Variants in TENM2 observed in about 807,000 individuals in gnomAD.
TENM2 encodes teneurin transmembrane protein 2, also known as teneurin-2.
A neutral mutation model predicts 245.2 loss-of-function variants in TENM2; 52 were observed. That is an observed-to-expected ratio of 0.21 (90% CI 0.17 to 0.27). The LOEUF (loss-of-function observed/expected upper bound fraction) is 0.27. Among genes scored for constraint, TENM2 ranks in the 10% least tolerant of loss-of-function variants. The pLI is 1.00. For missense variants in TENM2, 3,046 were observed against 3,666.8 expected (o/e 0.83, Z 4.37); for synonymous variants, 1,363 against 1,438.9 (o/e 0.95, Z 1.19).
intron 16 of TENM2, among the ~76,000 whole-genome samples, 155 bp downstream of exon 18, chr5:168,199,269 T>G (rs1761730669): frequency 6.6e-6 from 1 of 152,234 alleles, no homozygotes; most frequent in African/African-American, 2.4e-5. Flanking sequence ...GATGAAAGTT[T>G]GAATCCCTCT....
intron 4 of TENM2, among the ~76,000 whole-genome samples, chr5:167,982,019 A>G (rs1219957431): frequency 2.0e-5 from 3 of 151,722 alleles, no homozygotes; most frequent in Admixed American, 2.0e-4. Context: ...AAGAAAATCC[A>G]GATCCCATGC....
At chr5:168,081,874 C>T (rs775781206) in intron 7 of TENM2, among the ~76,000 whole-genome samples, 23 of 152,108 alleles carry the variant, frequency 1.5e-4, no homozygotes, top group Non-Finnish European at 2.9e-4. Flanking sequence ...TTTTTTCTTT[C>T]ATTTCAACTT....
At chr5:168,086,336 A>G (rs1792455722) in intron 7 of TENM2, among the ~76,000 whole-genome samples, 1 of 152,138 alleles carries the variant, frequency 6.6e-6, no homozygotes, top group Admixed American at 6.5e-5. Flanking sequence ...GGATCAGTCA[A>G]ATATTTGCTA....
chr5:167,638,388 G>A (rs1779352662), intron 2 of TENM2, among the ~76,000 whole-genome samples: 1 of 152,110 alleles, frequency 6.6e-6, no homozygotes, highest in African/African-American at 2.4e-5. Flanking sequence ...CAGTTAAATA[G>A]ACCAAAAATT....
At position 168,082,251 on chromosome 5, in the gene TENM2, G is replaced by A. The variant is rs62383400; in HGVS notation, c.1516-8323G>A. On this transcript the variant is annotated intron_variant, in intron 7 of 28. Coordinates refer to ENST00000518659, the Ensembl canonical transcript of TENM2. ...CTACTGAAGCTTGTGCATGCGTCAC[G>A]TAGTTCTCGTGCCATGGTTTCAGCT... Among the ~76,000 whole-genome samples, 1,314 of 152,234 alleles carry A rather than the reference G, an allele frequency of 8.6e-3. 21 individuals carry two copies. Among genetic ancestry groups the A allele is most frequent in the Middle Eastern group, 0.014 (4 of 294 alleles).
At chr5:167,950,231 C>T (rs1412908129) in intron 3 of TENM2, among the ~76,000 whole-genome samples, 1 of 152,172 alleles carries the variant, frequency 6.6e-6, no homozygotes, top group East Asian at 1.9e-4. Context: ...TGCTTCTCTT[C>T]CCCCTGGGGA....
At chr5:167,710,053 T>C (rs561747212) in intron 2 of TENM2, among the ~76,000 whole-genome samples, 1 of 152,272 alleles carries the variant, frequency 6.6e-6, no homozygotes, top group Non-Finnish European at 1.5e-5. Context: ...GTGATGGTAG[T>C]AGAGAAATTA....
intron 1 of TENM2, among the ~76,000 whole-genome samples, chr5:167,286,955 A>T (rs956943028): frequency 1.3e-5 from 2 of 152,246 alleles, no homozygotes; most frequent in Admixed American, 6.5e-5. Context: ...TAGCTTTGCA[A>T]TTAACAATTC....
chr5:168,180,977 T>A (rs1448178873), intron 13 of TENM2, among the ~76,000 whole-genome samples: 1 of 151,860 alleles, frequency 6.6e-6, no homozygotes, highest in Admixed American at 6.6e-5. Flanking sequence ...GTTGATGGCA[T>A]CTTAACACCA....
intron 3 of TENM2, among the ~76,000 whole-genome samples, chr5:167,912,080 T>C (rs189559501): frequency 1.3e-5 from 2 of 152,314 alleles, no homozygotes; most frequent in East Asian, 3.9e-4. Context: ...AATCACCATG[T>C]TGTACAATAG....
rs774689878 is a variant in TENM2, at chr5:167,876,285, T to C, written c.712+90T>C. 6.8e-4 allele frequency: 761 copies of C among 1,113,068 alleles called. 2 individuals are homozygous for C. The highest frequency in any genetic ancestry group is 8.9e-4 in the Non-Finnish European group (676 of 762,274). The allele number at this position is 1,113,068 out of a possible 1,614,324, so 68.9% of individuals were successfully genotyped here. A position where few individuals can be genotyped will look rare whatever the true frequency, so the allele number is the denominator to read the frequency against. On this transcript the variant is annotated intron_variant, in intron 3 of 28. Coordinates refer to ENST00000518659, the Ensembl canonical transcript of TENM2. ...AAAATGACAATGCTGAAACAAGGGC[T>C]GGGGGAAGGTGGTGTGGGGAGCATC... is the stretch of plus-strand genomic sequence containing the variant.
In TENM2 at chr5:167,454,646, T is replaced by G. The variant is rs565716095; in HGVS notation, c.502+79173T>G. Among the ~76,000 whole-genome samples the G allele has an allele frequency of 8.4e-4, 128 of 152,264 alleles. 1 individual carries two copies. The highest frequency in any genetic ancestry group is 7.7e-3 in the Admixed American group (118 of 15,284). On this transcript the variant is annotated intron_variant, in intron 2 of 28. Coordinates refer to ENST00000518659, the Ensembl canonical transcript of TENM2. ...TTCTCTCTCTCCTCGCCCTGCCCCA[T>G]CTCTTTCCCATCCACTCAACCGTTG... is the stretch of plus-strand genomic sequence containing the variant.
intron 1 of TENM2, among the ~76,000 whole-genome samples, chr5:167,358,304 T>C (rs1439912093): frequency 6.6e-6 from 1 of 152,214 alleles, no homozygotes; most frequent in Non-Finnish European, 1.5e-5. Context: ...CAATGATTAC[T>C]ATGTTGCTAC....
At chr5:167,455,469 T>TTC (rs10664050) in intron 2 of TENM2, among the ~76,000 whole-genome samples, 1 of 151,456 alleles carries the variant, frequency 6.6e-6, no homozygotes, top group Admixed American at 6.6e-5. Flanking sequence ...TTTTTTTTTT[T>TTC]CAAATGTATC....
At chr5:167,340,120 C>G (rs983205152) in intron 1 of TENM2, among the ~76,000 whole-genome samples, 1 of 152,126 alleles carries the variant, frequency 6.6e-6, no homozygotes, top group Non-Finnish European at 1.5e-5. Context: ...ACAGATCAGC[C>G]AAATCCTTCG....
chr5:167,439,369 C>T (rs938089999), intron 2 of TENM2, among the ~76,000 whole-genome samples: 3 of 152,122 alleles, frequency 2.0e-5, no homozygotes, highest in East Asian at 1.9e-4. Context: ...CTTCCTAATA[C>T]GTGATTTGAT....
intron 9 of TENM2, among the ~76,000 whole-genome samples, chr5:168,108,292 A>G (rs1043745758): frequency 6.6e-6 from 1 of 152,230 alleles, no homozygotes; most frequent in African/African-American, 2.4e-5. Context: ...GCATTATGTC[A>G]TAATAGCCAA....
chr5:167,926,518 G>A (rs561226515), intron 3 of TENM2, among the ~76,000 whole-genome samples: 7 of 152,168 alleles, frequency 4.6e-5, no homozygotes, highest in Admixed American at 2.6e-4. Flanking sequence ...CCAGGAGTTC[G>A]AGACCAGCCT....
intron 2 of TENM2, among the ~76,000 whole-genome samples, chr5:167,645,935 C>T (rs981870429): frequency 6.6e-6 from 1 of 151,522 alleles, no homozygotes; most frequent in Non-Finnish European, 1.5e-5. Context: ...ACTTTTTAAA[C>T]TACACTTGTG....
Sources: allele counts gnomAD v4.1 joint callset (sites outside exome capture counted in the v4.1 genomes callset), GRCh38; gene constraint gnomAD v4.1.1; transcripts MANE v1.5; gene names NCBI Gene and HGNC (gene_info 2026-07-23, HGNC 2026-07-21).